The following SORCS3 variants were observed in gnomAD, a reference collection of about 807,000 sequenced individuals.
The protein encoded by SORCS3 is VPS10 domain-containing receptor SorCS3.
SORCS3 carries 57 observed loss-of-function variants against 146.3 expected under a neutral mutation model. The ratio of observed to expected loss-of-function variants is 0.39; its 90% CI spans 0.31 to 0.49. SORCS3 has a LOEUF of 0.49. Ranked by LOEUF, SORCS3 falls within the 20% of genes least tolerant of loss-of-function variation. The pLI is 0.92. For missense variants in SORCS3, 1,341 were observed against 1,575.5 expected (o/e 0.85, Z 2.52); for synonymous variants, 653 against 618.5 (o/e 1.06, Z -0.83).
chr10:104,760,178 G>A (rs537481597), intron 1 of SORCS3, among the ~76,000 whole-genome samples: 9 of 152,286 alleles, frequency 5.9e-5, no homozygotes, highest in African/African-American at 2.2e-4. Context: ...GAGAGTCAGT[G>A]GTGAGGTGGA....
chr10:105,174,956 C>G (rs1364503285), intron 13 of SORCS3, among the ~76,000 whole-genome samples: 1 of 152,200 alleles, frequency 6.6e-6, no homozygotes, highest in Non-Finnish European at 1.5e-5. Context: ...GTCCTGTGCT[C>G]TGCTCATTAT....
At chr10:104,949,509 C>T (rs1461160110) in intron 3 of SORCS3, among the ~76,000 whole-genome samples, 2 of 152,182 alleles carry the variant, frequency 1.3e-5, no homozygotes, top group Non-Finnish European at 2.9e-5. Flanking sequence ...TGTAACTTCC[C>T]TCTTCTACTT....
intron 19 of SORCS3, among the ~76,000 whole-genome samples, chr10:105,220,026 TA>T (rs1467615570): frequency 1.3e-5 from 2 of 152,194 alleles, no homozygotes; most frequent in Non-Finnish European, 2.9e-5. Context: ...GGCCATTAGC[TA>T]ACAAAAGTAG....
At chr10:104,990,268 T>C (rs1343965884) in intron 4 of SORCS3, among the ~76,000 whole-genome samples, 1 of 152,250 alleles carries the variant, frequency 6.6e-6, no homozygotes, top group African/African-American at 2.4e-5. Flanking sequence ...CCCAATGGAA[T>C]GAAACTCTAG....
chr10:105,039,847 G>A (rs901086159), intron 4 of SORCS3, among the ~76,000 whole-genome samples: 2 of 152,112 alleles, frequency 1.3e-5, no homozygotes, highest in South Asian at 2.1e-4. Flanking sequence ...CCACCAGGTC[G>A]TCCGTGATGA....
chr10:105,059,488 G>T (rs904374756), intron 5 of SORCS3, among the ~76,000 whole-genome samples: 1 of 152,144 alleles, frequency 6.6e-6, no homozygotes, highest in East Asian at 1.9e-4. Context: ...CTGTTTAGAT[G>T]TACTTAGGAA....
chr10:104,963,462 ACT>A (rs373407410), intron 3 of SORCS3, among the ~76,000 whole-genome samples: 99 of 151,966 alleles, frequency 6.5e-4, no homozygotes, highest in African/African-American at 2.4e-3. Flanking sequence ...AGAGTATCTC[ACT>A]CTCTGAGTTT....
intron 6 of SORCS3, among the ~76,000 whole-genome samples, chr10:105,098,951 G>A (rs2055765284): frequency 6.6e-6 from 1 of 152,184 alleles, no homozygotes; most frequent in Admixed American, 6.5e-5. Context: ...ATAATGCTGG[G>A]ATTCTCCTAT....
At chr10:105,257,009 C>T (rs367731356) in intron 25 of SORCS3, 85 bp downstream of exon 25, 47 of 933,852 alleles carry the variant, frequency 5.0e-5, no homozygotes, top group African/African-American at 4.5e-4. Flanking sequence ...CTAAACTCAT[C>T]GCAAGAATGT....
intron 3 of SORCS3, among the ~76,000 whole-genome samples, chr10:104,952,044 C>T (rs1047305635): frequency 6.6e-6 from 1 of 151,262 alleles, no homozygotes; most frequent in Non-Finnish European, 1.5e-5. Flanking sequence ...CAATTTGAAT[C>T]GTTCCCCCGA....
intron 7 of SORCS3, among the ~76,000 whole-genome samples, chr10:105,127,065 A>G (rs1442847452): frequency 6.6e-6 from 1 of 152,152 alleles, no homozygotes; most frequent in Admixed American, 6.6e-5. Context: ...TGTAAGACAT[A>G]GTGGAATGGT....
chr10:104,686,939 A>T (rs1006762646), intron 1 of SORCS3, among the ~76,000 whole-genome samples: 2 of 122,904 alleles, frequency 1.6e-5, no homozygotes, highest in Non-Finnish European at 3.8e-5. Flanking sequence ...CCATCCATCC[A>T]TCCATCTATG....
intron 1 of SORCS3, among the ~76,000 whole-genome samples, chr10:104,643,051 C>A (rs1192150286): frequency 6.6e-6 from 1 of 152,224 alleles, no homozygotes; most frequent in Admixed American, 6.5e-5. Flanking sequence ...CCCTCCCTCC[C>A]GCGGTCCCTA....
At chr10:104,802,991 A>G (rs963672945) in intron 1 of SORCS3, among the ~76,000 whole-genome samples, 8 of 152,176 alleles carry the variant, frequency 5.3e-5, no homozygotes, top group African/African-American at 1.7e-4. Context: ...CTGCTCCGCA[A>G]GGTCATCCAG....
rs751706856 is a variant in SORCS3, at chr10:105,214,585, A to G, written c.2519A>G (p.Asn840Ser). ...DGRLVAEQGH[N>S]ATFIILMEEG... ...CGGCTGGTGGCAGAGCAGGGGCACA[A>G]TGCAACTTTCATCATCCTCATGGAG... is the stretch of plus-strand genomic sequence containing the variant. Residue 840 changes from asparagine (N) to serine (S), a missense_variant, in exon 18 of 27, where the codon AAT becomes AGT. Transcript: ENST00000369701. 6 of 1,599,924 alleles carry G rather than the reference A, an allele frequency of 3.8e-6. No individual in the cohort carries two copies. The highest frequency in any genetic ancestry group is 1.3e-5 in the African/African-American group (1 of 74,360).
At chr10:104,657,372 G>A (rs757179694) in intron 1 of SORCS3, among the ~76,000 whole-genome samples, 1 of 152,210 alleles carries the variant, frequency 6.6e-6, no homozygotes, top group Non-Finnish European at 1.5e-5. Flanking sequence ...CAGCGTTTTT[G>A]CAGCAGGTAA....
chr10:104,728,694 A>C, intron 1 of SORCS3, among the ~76,000 whole-genome samples: 1 of 152,188 alleles, frequency 6.6e-6, no homozygotes, highest in East Asian at 1.9e-4. Flanking sequence ...GGGCTCTCCT[A>C]GGGCCTGCAG....
At chr10:105,004,345 G>A (rs1048060179) in intron 4 of SORCS3, among the ~76,000 whole-genome samples, 3 of 152,218 alleles carry the variant, frequency 2.0e-5, no homozygotes, top group African/African-American at 4.8e-5. Flanking sequence ...GTTTAAGGAA[G>A]CAACATGGCA....
chr10:105,242,476 T>TTAAATATTTA (rs2056833255), intron 20 of SORCS3, among the ~76,000 whole-genome samples: 1 of 79,688 alleles, frequency 1.3e-5, no homozygotes, highest in Non-Finnish European at 2.1e-5. Context: ...ATTTATATAT[T>TTAAATATTTA]TATATATTTA....
Sources: allele counts gnomAD v4.1 joint callset (sites outside exome capture counted in the v4.1 genomes callset), GRCh38; gene constraint gnomAD v4.1.1; transcripts MANE v1.5; gene names NCBI Gene and HGNC (gene_info 2026-07-23, HGNC 2026-07-21).